The following NKAIN2 variants were observed in gnomAD, a reference collection of about 807,000 sequenced individuals.
The protein encoded by NKAIN2 is sodium/potassium-transporting ATPase subunit beta-1-interacting protein 2.
Under a neutral mutation model 32.6 loss-of-function variants are expected in NKAIN2, and 14 were observed. The ratio of observed to expected loss-of-function variants is 0.43; its 90% confidence interval spans 0.28 to 0.67. NKAIN2 has a LOEUF of 0.67. Among genes scored for constraint, NKAIN2 ranks in the 30% least tolerant of loss-of-function variants. NKAIN2 has a pLI of 0.17. For synonymous variants in NKAIN2, 80 were observed against 87.2 expected (o/e 0.92, Z 0.46); for missense variants, 198 against 258.3 (o/e 0.77, Z 1.60).
chr6:124,333,386 G>T (rs1797741513), intron 2 of NKAIN2, among the ~76,000 whole-genome samples: 7 of 152,042 alleles, frequency 4.6e-5, no homozygotes, highest in Admixed American at 3.9e-4. Flanking sequence ...ACTTAGGCTG[G>T]GTGCAGTGTC....
intron 4 of NKAIN2, among the ~76,000 whole-genome samples, chr6:124,744,059 A>G (rs1777350418): frequency 6.6e-6 from 1 of 151,940 alleles, no homozygotes; most frequent in African/African-American, 2.4e-5. Flanking sequence ...AGTTATAGTA[A>G]GAAAATTTTT....
At chr6:124,740,208 T>G (rs1777136668) in intron 4 of NKAIN2, among the ~76,000 whole-genome samples, 1 of 151,654 alleles carries the variant, frequency 6.6e-6, no homozygotes, top group South Asian at 2.1e-4. Context: ...GGGAAGGAAT[T>G]CTAATGGTGA....
chr6:123,812,960 A>T lies in NKAIN2; in HGVS notation c.54+8706A>T, dbSNP rs1582574150. Among the ~76,000 whole-genome samples, 4 of 152,332 alleles carry T rather than the reference A, an allele frequency of 2.6e-5. No individual in the cohort carries two copies. The South Asian group carries it at 8.3e-4, about 32-fold the overall frequency. On this transcript the variant is annotated intron_variant, in intron 1 of 6. Coordinates refer to ENST00000368417, the MANE Select transcript of NKAIN2 (RefSeq NM_001040214.3). ...ACAACAGAATAAGGAGATATTTCAA[A>T]TCCTTTAACTGACAGCTGTGTATCA...
At chr6:124,717,576 T>C (rs1775811465) in intron 4 of NKAIN2, among the ~76,000 whole-genome samples, 1 of 152,182 alleles carries the variant, frequency 6.6e-6, no homozygotes, top group Admixed American at 6.5e-5. Context: ...GTTTTAAAAA[T>C]AATTCCAGAA....
intron 4 of NKAIN2, among the ~76,000 whole-genome samples, chr6:124,670,862 G>T (rs1385009284): frequency 6.6e-6 from 1 of 151,970 alleles, no homozygotes; most frequent in African/African-American, 2.4e-5. Context: ...AAAGAAAATG[G>T]AACTTATCAG....
chr6:124,464,736 G>A (rs1266495213), intron 3 of NKAIN2, among the ~76,000 whole-genome samples: 1 of 151,872 alleles, frequency 6.6e-6, no homozygotes, highest in Non-Finnish European at 1.5e-5. Context: ...TATCTGTTTT[G>A]GTACCAGTAC....
chr6:124,356,874 G>A (rs1799009235), intron 3 of NKAIN2, among the ~76,000 whole-genome samples: 1 of 152,084 alleles, frequency 6.6e-6, no homozygotes, highest in Non-Finnish European at 1.5e-5. Context: ...AAATTGTAAG[G>A]CAGGTGTTCA....
intron 1 of NKAIN2, among the ~76,000 whole-genome samples, chr6:124,255,026 T>C (rs958745168): frequency 3.3e-5 from 5 of 152,212 alleles, no homozygotes; most frequent in Admixed American, 1.3e-4. Context: ...TTGGCTCCGA[T>C]AGTGAACTAG....
intron 1 of NKAIN2, among the ~76,000 whole-genome samples, chr6:124,129,596 C>T (rs1294511581): frequency 2.0e-5 from 3 of 152,036 alleles, no homozygotes; most frequent in Non-Finnish European, 4.4e-5. Flanking sequence ...TTTTGTCACT[C>T]GTTTCTTTTC....
At chr6:124,416,282 A>G (rs985367931) in intron 3 of NKAIN2, among the ~76,000 whole-genome samples, 1 of 152,194 alleles carries the variant, frequency 6.6e-6, no homozygotes, top group African/African-American at 2.4e-5. Flanking sequence ...AAACAAAGAG[A>G]AATCTCCTCA....
At chr6:123,933,858 A>G (rs1183809991) in intron 1 of NKAIN2, among the ~76,000 whole-genome samples, 2 of 152,206 alleles carry the variant, frequency 1.3e-5, no homozygotes, top group African/African-American at 4.8e-5. Flanking sequence ...TTTGTACTCT[A>G]CATGTGAATG....
chr6:124,182,353 G>A (rs1789488041), intron 1 of NKAIN2, among the ~76,000 whole-genome samples: 1 of 152,088 alleles, frequency 6.6e-6, no homozygotes, highest in Non-Finnish European at 1.5e-5. Context: ...ATAATGAATA[G>A]CTTGATAATT....
At chr6:124,231,748 G>A (rs1409428349) in intron 1 of NKAIN2, among the ~76,000 whole-genome samples, 1 of 151,952 alleles carries the variant, frequency 6.6e-6, no homozygotes, top group Admixed American at 6.6e-5. Flanking sequence ...GGAACTGTAA[G>A]TTCATTAAAC....
intron 4 of NKAIN2, among the ~76,000 whole-genome samples, chr6:124,773,015 GA>G (rs5879761): frequency 0.97 from 148,282 of 152,194 alleles, 72,343 homozygotes; most frequent in East Asian, 1. Flanking sequence ...GTAGGTGGGA[GA>G]AAAAAACATA....
At chr6:124,439,593 A>ACCT (rs573086455) in intron 3 of NKAIN2, among the ~76,000 whole-genome samples, 1 of 150,876 alleles carries the variant, frequency 6.6e-6, no homozygotes, top group South Asian at 2.1e-4. Flanking sequence ...CCGAATTCTA[A>ACCT]CCTCTTCCTG....
chr6:124,403,159 A>G (rs1413696339), intron 3 of NKAIN2, among the ~76,000 whole-genome samples: 1 of 152,108 alleles, frequency 6.6e-6, no homozygotes, highest in African/African-American at 2.4e-5. Flanking sequence ...TCCTTAGGTA[A>G]TATTTCTTTT....
chr6:123,890,858 G>A (rs1028690555), intron 1 of NKAIN2, among the ~76,000 whole-genome samples: 1 of 151,854 alleles, frequency 6.6e-6, no homozygotes, highest in Non-Finnish European at 1.5e-5. Flanking sequence ...TTGAAAACAG[G>A]GACTCAAACA....
intron 1 of NKAIN2, among the ~76,000 whole-genome samples, chr6:123,976,328 CCCATATATATATATGT>C (rs1778589482): frequency 3.5e-5 from 1 of 28,622 alleles, no homozygotes; most frequent in African/African-American, 1.7e-4. Context: ...TATATATGTT[CCCATATATATATATGT>C]TCCCATATAT....
At chr6:124,404,417 A>G (rs1266039498) in intron 3 of NKAIN2, among the ~76,000 whole-genome samples, 1 of 152,182 alleles carries the variant, frequency 6.6e-6, no homozygotes, top group Non-Finnish European at 1.5e-5. Context: ...TCAGGAATCA[A>G]TAAATACTGC....
Sources: allele counts gnomAD v4.1 joint callset (sites outside exome capture counted in the v4.1 genomes callset), GRCh38; gene constraint gnomAD v4.1.1; transcripts MANE v1.5; gene names NCBI Gene and HGNC (gene_info 2026-07-23, HGNC 2026-07-21).